LRRC8A: variants seen among roughly 807,000 people sequenced by gnomAD.
LRRC8A encodes volume-regulated anion channel subunit LRRC8A.
Under a neutral mutation model 52.5 loss-of-function variants are expected in LRRC8A, and 24 were observed. The ratio of observed to expected loss-of-function variants is 0.46; its 90% confidence interval spans 0.33 to 0.64. The LOEUF is 0.64. Among genes scored for constraint, LRRC8A ranks in the 30% least tolerant of loss-of-function variants. LRRC8A has a pLI of 0.02. For missense variants in LRRC8A, 677 were observed against 1,094.7 expected (o/e 0.62, Z 5.38); for synonymous variants, 492 against 494.2 (o/e 1.00, Z 0.06).
chr9:128,899,197 C>G lies in LRRC8A; in HGVS notation c.-8-7960C>G, dbSNP rs1237000869. Among the ~76,000 whole-genome samples the G allele has an allele frequency of 6.6e-6, 1 of 152,212 alleles. No homozygotes were observed. The highest frequency in any genetic ancestry group is 1.5e-5 in the Non-Finnish European group (1 of 68,034). ...TCCTTTCTATACAGGGAAACTGAGG[C>G]CCTGGGAGAGAAGCTGTTCCACAGC... is the stretch of plus-strand genomic sequence containing the variant. On this transcript the variant is annotated intron_variant, in intron 2 of 3. Transcript: ENST00000372600. The surrounding 1 kb of genome is among the most constrained non-coding windows in gnomAD (Gnocchi z 4.0).
intron 2 of LRRC8A, among the ~76,000 whole-genome samples, chr9:128,895,698 G>C (rs1171482622): frequency 1.3e-5 from 2 of 152,140 alleles, no homozygotes; most frequent in Non-Finnish European, 2.9e-5. Flanking sequence ...GAGTGCTTAC[G>C]AGTTCTGCAG....
chr9:128,911,905 C>T lies in LRRC8A; in HGVS notation c.2157+2584C>T, dbSNP rs944917675. Among the ~76,000 whole-genome samples the T allele has an allele frequency of 2.6e-5, 4 of 152,274 alleles. No homozygotes were observed. The highest frequency in any genetic ancestry group is 2.1e-4 in the South Asian group (1 of 4,834). The stretch of plus-strand genomic sequence containing the variant: ...TGGGAGGCCTGAGCCCCTCTTCCTC[C>T]TCACTCGGGCTTGATGGCTCCTTCT... On this transcript the variant is annotated intron_variant, in intron 3 of 3. Transcript: ENST00000372600. This position sits in a 1 kb window ranked among gnomAD's most constrained non-coding sequence, Gnocchi z 4.9.
At chr9:128,901,796 C>G (rs1389137908) in intron 2 of LRRC8A, among the ~76,000 whole-genome samples, 1 of 152,158 alleles carries the variant, frequency 6.6e-6, no homozygotes, top group African/African-American at 2.4e-5. Context: ...GGGAGCCTGC[C>G]CCTGTAGGGG....
At chr9:128,885,111 G>A (rs1386063423) in intron 1 of LRRC8A, 8 of 152,368 alleles carry the variant, frequency 5.3e-5, no homozygotes, top group Non-Finnish European at 1.0e-4. Context: ...CCCGAAACCC[G>A]TGTCGTAGTG....
intron 2 of LRRC8A, among the ~76,000 whole-genome samples, chr9:128,905,919 T>C (rs1840228167): frequency 6.6e-6 from 1 of 152,188 alleles, no homozygotes; most frequent in Non-Finnish European, 1.5e-5. Flanking sequence ...GAGCCTGCTG[T>C]TGCTGCTGTT....
In LRRC8A at chr9:128,899,656, A is replaced by G. The variant is rs1291890012; in HGVS notation, c.-8-7501A>G. ...TGATACAGCCCATCACAAAAGGACAAATACCTTATGATTCCACTTACATGA... is the reference window on the plus strand; with the variant it reads ...TGATACAGCCCATCACAAAAGGACAGATACCTTATGATTCCACTTACATGA... On this transcript the variant is annotated intron_variant, in intron 2 of 3. Coordinates refer to ENST00000372600, the MANE Select transcript of LRRC8A (RefSeq NM_019594.4). The surrounding 1 kb of genome is among the most constrained non-coding windows in gnomAD (Gnocchi z 4.0). Among the ~76,000 whole-genome samples, 3 of 152,178 alleles carry G rather than the reference A, an allele frequency of 2.0e-5. No homozygotes were observed. The highest frequency in any genetic ancestry group is 4.4e-5 in the Non-Finnish European group (3 of 68,034).
rs1840377279 is a variant in LRRC8A at position 128,908,959 on chromosome 9, A to G, written c.1795A>G (p.Ile599Val). Residue 599 changes from isoleucine to valine, a missense_variant, in exon 3 of 4, where the codon ATC becomes GTC. Physicochemically the swap from Ile to Val is conservative, Grantham distance 29. Around this residue, in one of 4 missense-constraint regions of LRRC8A, gnomAD observed 422 missense variants for 741.5 expected, o/e 0.57. Coordinates refer to ENST00000372600, the MANE Select transcript of LRRC8A (RefSeq NM_019594.4). ...KMANLTELELIRCDLERIPHS... is the reference protein window; with the variant it reads ...KMANLTELELVRCDLERIPHS... ...GGCGAACCTGACTGAGCTGGAGCTG[A>G]TCCGCTGTGACCTGGAGCGCATCCC... is the stretch of plus-strand genomic sequence containing the variant. 2 of 1,614,150 alleles carry G rather than the reference A, an allele frequency of 1.2e-6. No individual in the cohort carries two copies. The highest frequency in any genetic ancestry group is 1.7e-5 in the Admixed American group (1 of 60,020).
chr9:128,903,766 G>A (rs866064464), intron 2 of LRRC8A, among the ~76,000 whole-genome samples: 1 of 151,228 alleles, frequency 6.6e-6, no homozygotes, highest in African/African-American at 2.4e-5. Context: ...GGTGGCTCAC[G>A]CCTGTAATCC....
In LRRC8A at chr9:128,911,538, C is replaced by T. The variant is rs1284343947; in HGVS notation, c.2157+2217C>T. On this transcript the variant is annotated intron_variant, in intron 3 of 3. Transcript: ENST00000372600. This position sits in a 1 kb window ranked among gnomAD's most constrained non-coding sequence, Gnocchi z 4.9. ...CAGTGCTGCCCTTGATAAGCTGGGACTTCCTCACAGCTCCTGCCATTCCTG... is the reference window on the plus strand; with the variant it reads ...CAGTGCTGCCCTTGATAAGCTGGGATTTCCTCACAGCTCCTGCCATTCCTG... Among the ~76,000 whole-genome samples, 1 of 152,170 alleles carries T rather than the reference C, an allele frequency of 6.6e-6. No individual in the cohort carries two copies. Among genetic ancestry groups the T allele is most frequent in the Non-Finnish European group, 1.5e-5 (1 of 68,018 alleles).
chr9:128,883,034 C>G, intron 1 of LRRC8A: 1 of 352,108 alleles, frequency 2.8e-6, no homozygotes, highest in Non-Finnish European at 5.1e-6. Context: ...CGGGGTGAAC[C>G]GAGGTCTGCC....
At chr9:128,888,841 T>C (rs1488406576) in intron 2 of LRRC8A, among the ~76,000 whole-genome samples, 3 of 151,942 alleles carry the variant, frequency 2.0e-5, no homozygotes, top group African/African-American at 4.8e-5. Flanking sequence ...TCCCATACAC[T>C]GCTTGGGAGA....
chr9:128,891,488 G>A (rs1232882458), intron 2 of LRRC8A, among the ~76,000 whole-genome samples: 6 of 152,220 alleles, frequency 3.9e-5, no homozygotes, highest in Non-Finnish European at 5.9e-5. Flanking sequence ...TTGAGCCAAG[G>A]AGTTCAAAGT....
At chr9:128,901,270 C>T (rs1208868504) in intron 2 of LRRC8A, among the ~76,000 whole-genome samples, 1 of 152,168 alleles carries the variant, frequency 6.6e-6, no homozygotes, top group African/African-American at 2.4e-5. Flanking sequence ...GGAAACCATC[C>T]TGGCCAACAT....
At position 128,892,244 on chromosome 9, in the gene LRRC8A, C is replaced by T. The variant is rs1046710442; in HGVS notation, c.-9+6123C>T. Among the ~76,000 whole-genome samples the T allele has an allele frequency of 3.3e-5, 5 of 152,218 alleles. No homozygotes were observed. The highest frequency in any genetic ancestry group is 7.3e-5 in the Non-Finnish European group (5 of 68,032). ...ACTTAGTTGACGGTCAGTAACTGGGCGCTCCTGCCCCAGCCTGGCAGGGCG... is the reference window on the plus strand; with the variant it reads ...ACTTAGTTGACGGTCAGTAACTGGGTGCTCCTGCCCCAGCCTGGCAGGGCG... On this transcript the variant is annotated intron_variant, in intron 2 of 3. Coordinates refer to ENST00000372600, the MANE Select transcript of LRRC8A (RefSeq NM_019594.4). This position sits in a 1 kb window ranked among gnomAD's most constrained non-coding sequence, Gnocchi z 5.2.
intron 3 of LRRC8A, among the ~76,000 whole-genome samples, chr9:128,909,631 C>T (rs1840415459): frequency 6.6e-6 from 1 of 152,210 alleles, no homozygotes; most frequent in Non-Finnish European, 1.5e-5. Context: ...TGACCTTGAG[C>T]CGGGTTCCTC....
Position 128,916,534 on chromosome 9 carries a change from A to G in LRRC8A, c.*163A>G, listed in dbSNP as rs1457403219. 4 of 875,194 alleles carry G rather than the reference A, an allele frequency of 4.6e-6. No homozygotes were observed. The highest frequency in any genetic ancestry group is 6.8e-6 in the Non-Finnish European group (4 of 589,620). 54.2% of individuals were successfully genotyped at this position (875,194 alleles called of 1,614,324 possible). A position where few individuals can be genotyped will look rare whatever the true frequency, so the allele number is the denominator to read the frequency against. Reference sequence around the variant, plus strand: ...AGTCAGGCCAGAGCGAGAGGACAGTATCTGTGGGGCTGGCCCCTTTTCTCC... The same window carrying G: ...AGTCAGGCCAGAGCGAGAGGACAGTGTCTGTGGGGCTGGCCCCTTTTCTCC... On this transcript the variant is annotated 3_prime_UTR_variant, in exon 4 of 4. Coordinates refer to ENST00000372600, the MANE Select transcript of LRRC8A (RefSeq NM_019594.4). The surrounding 1 kb of genome is among the most constrained non-coding windows in gnomAD (Gnocchi z 6.1).
intron 3 of LRRC8A, among the ~76,000 whole-genome samples, chr9:128,913,536 TGAGA>T (rs1840657888): frequency 1.3e-5 from 2 of 152,186 alleles, no homozygotes; most frequent in South Asian, 4.2e-4. Context: ...GCCGAGCAAC[TGAGA>T]GTACCTCCCC....
intron 1 of LRRC8A, among the ~76,000 whole-genome samples, chr9:128,883,938 C>T (rs1255908399): frequency 6.6e-6 from 1 of 151,906 alleles, no homozygotes; most frequent in Non-Finnish European, 1.5e-5. Flanking sequence ...CGCGCCATTG[C>T]ACTCCAGCTT....
At chr9:128,886,800 A>G (rs998123787) in intron 2 of LRRC8A, among the ~76,000 whole-genome samples, 1 of 152,194 alleles carries the variant, frequency 6.6e-6, no homozygotes, top group Admixed American at 6.5e-5. Context: ...GTGTGTATAG[A>G]CGGCTGTGTA....
Sources: gnomAD v4.1 joint callset for allele counts (sites outside exome capture counted in the v4.1 genomes callset) on GRCh38, gnomAD v4.1.1 for gene constraint, gnomAD v4.1.1 regional missense constraint, Gnocchi (gnomAD v3.1) non-coding constraint, MANE v1.5 for transcripts, NCBI Gene and HGNC (gene_info 2026-07-23, HGNC 2026-07-21) for gene names.